Variants in CEP63 observed in about 807,000 individuals in gnomAD.
The protein encoded by CEP63 is centrosomal protein of 63 kDa.
In CEP63, 84 loss-of-function variants were observed where a neutral mutation model predicts 89.1. The ratio of observed to expected loss-of-function variants is 0.94; its 90% CI spans 0.79 to 1.13. The LOEUF (loss-of-function observed/expected upper bound fraction) is 1.13, where lower values mean the gene tolerates loss of function less well. Ranked by LOEUF, CEP63 falls within the 50% of genes most tolerant of loss-of-function variation. The probability of loss-of-function intolerance (pLI) is 0.00; values close to 1 mark genes in which losing one functional copy is unlikely to be tolerated. For missense variants in CEP63, 838 were observed against 813.3 expected (o/e 1.03, Z -0.37); for synonymous variants, 267 against 272.5 (o/e 0.98, Z 0.20).
the CEP63 span, among the ~76,000 whole-genome samples, chr3:134,657,252 G>T: frequency 6.6e-6 from 1 of 152,176 alleles, no homozygotes; most frequent in Admixed American, 6.5e-5. Context: ...TCACTATCAG[G>T]AGAACAGTAT....
At chr3:134,626,167 A>G in the CEP63 span, among the ~76,000 whole-genome samples, 1 of 152,024 alleles carries the variant, frequency 6.6e-6, no homozygotes, top group Non-Finnish European at 1.5e-5. Flanking sequence ...AGAAGTTGGG[A>G]CCAAAGAGGA....
In CEP63 at chr3:134,559,282, A is replaced by T. The variant is rs143608581; in HGVS notation, c.1806A>T (p.Gln602His). 8 of 1,614,044 alleles carry T rather than the reference A, an allele frequency of 5.0e-6. No individual in the cohort carries two copies. The highest frequency in any genetic ancestry group is 5.9e-6 in the Non-Finnish European group (7 of 1,180,030). ...GGGTGCTAAGCCCCCTGAGTCCTCAAATCAGCCCTTGCAGCTCCACCAGGT... is the reference window on the plus strand; with the variant it reads ...GGGTGCTAAGCCCCCTGAGTCCTCATATCAGCCCTTGCAGCTCCACCAGGT... ...MSRVLSPLSPQISPCSSTRSL... is the reference protein window; with the variant it reads ...MSRVLSPLSPHISPCSSTRSL... Residue 602 changes from glutamine (Q) to histidine (H), a missense_variant, in exon 14 of 15, where the codon CAA becomes CAT. Gln to His is a conservative substitution (Grantham distance 24). Transcript: ENST00000675561.
chr3:134,583,991 G>T (rs936718016), intron 10 of CEP63, among the ~76,000 whole-genome samples: 1 of 152,132 alleles, frequency 6.6e-6, no homozygotes, highest in Admixed American at 6.6e-5. Context: ...TGTTGTTGGT[G>T]TATAGGAATG....
the CEP63 span, chr3:134,603,304 T>G: frequency 3.1e-6 from 1 of 322,050 alleles, no homozygotes; most frequent in East Asian, 5.2e-5. Context: ...GGCATCTGGA[T>G]GCAGGTGTAC....
chr3:134,487,082 A>G (rs1188877136), intron 1 of CEP63, among the ~76,000 whole-genome samples: 1 of 152,208 alleles, frequency 6.6e-6, no homozygotes, highest in Non-Finnish European at 1.5e-5. Context: ...AAACTTATTA[A>G]AAGAATTTAT....
the CEP63 span, among the ~76,000 whole-genome samples, chr3:134,692,246 C>T: frequency 1.2e-4 from 19 of 152,142 alleles, no homozygotes; most frequent in Non-Finnish European, 1.5e-4. Flanking sequence ...TCTCCTAATG[C>T]TATCCCTTCC....
chr3:134,507,119 A>G lies in CEP63; in HGVS notation c.55A>G (p.Thr19Ala), dbSNP rs1302784016. 6.2e-7 allele frequency: 1 copy of G among 1,613,428 alleles called. No individual in the cohort carries two copies. The highest frequency in any genetic ancestry group is 1.7e-5 in the Admixed American group (1 of 59,984). Residue 19 changes from threonine (T) to alanine (A), a missense_variant, in exon 3 of 15, where the codon ACA becomes GCA. Coordinates refer to ENST00000675561, the MANE Select transcript of CEP63 (RefSeq NM_001353108.3). ...TGTTCTTCTTTATAGGGGATTTTTGACATCTTGTGAAGCAGAACTACAGGA... is the reference window on the plus strand; with the variant it reads ...TGTTCTTCTTTATAGGGGATTTTTGGCATCTTGTGAAGCAGAACTACAGGA... ...QNRGHGGGFLTSCEAELQELM... is the reference protein window; with the variant it reads ...QNRGHGGGFLASCEAELQELM...
At chr3:134,491,404 T>C (rs560473030) in intron 1 of CEP63, among the ~76,000 whole-genome samples, 109 of 152,364 alleles carry the variant, frequency 7.2e-4, no homozygotes, top group Middle Eastern at 3.4e-3. Flanking sequence ...CATGTTTCTA[T>C]AGATTTTTTG....
chr3:134,572,890 C>A (rs945797716), intron 11 of CEP63, among the ~76,000 whole-genome samples: 28 of 152,182 alleles, frequency 1.8e-4, no homozygotes, highest in African/African-American at 6.8e-4. Context: ...ATAAAGCATT[C>A]CCTTTTCTCT....
Position 134,549,093 on chromosome 3 carries a change from C to A in CEP63, c.1099C>A (p.Leu367Met), listed in dbSNP as rs745729949. 34 of 1,613,098 alleles carry A rather than the reference C, an allele frequency of 2.1e-5. No individual in the cohort carries two copies. Among genetic ancestry groups the A allele is most frequent in the Non-Finnish European group, 2.9e-5 (34 of 1,179,370 alleles). Residue 367 changes from leucine (L) to methionine (M), a missense_variant, in exon 10 of 15, where the codon CTG (leucine) becomes ATG (methionine). Physicochemically the swap from Leu to Met is conservative, Grantham distance 15. Coordinates refer to ENST00000675561, the MANE Select transcript of CEP63 (RefSeq NM_001353108.3). ...ATCTGTGAGTGCAACGTGTAAACAG[C>A]TGAGCCAAGAACTAATGGAAAAATA... ...LESVSATCKQ[L>M]SQELMEKYEE... is the part of the protein sequence containing the mutation.
At chr3:134,633,759 TAAGAC>T in the CEP63 span, among the ~76,000 whole-genome samples, 4 of 152,044 alleles carry the variant, frequency 2.6e-5, no homozygotes, top group Admixed American at 6.5e-5. Context: ...CCCTGTGTAA[TAAGAC>T]AAGAAAGAGA....
At chr3:134,655,920 A>C in the CEP63 span, among the ~76,000 whole-genome samples, 1 of 152,262 alleles carries the variant, frequency 6.6e-6, no homozygotes, top group Non-Finnish European at 1.5e-5. Flanking sequence ...AGTAGTAAAA[A>C]GTTGGTGGCT....
At chr3:134,607,418 C>T in the CEP63 span, 1 of 985,652 alleles carries the variant, frequency 1.0e-6, no homozygotes, top group African/African-American at 1.7e-5. Flanking sequence ...GCTCTGGGCC[C>T]ACCCACAGGC....
At chr3:134,700,701 T>G in the CEP63 span, among the ~76,000 whole-genome samples, 1 of 152,166 alleles carries the variant, frequency 6.6e-6, no homozygotes, top group African/African-American at 2.4e-5. Context: ...AAACCCCTAG[T>G]CCAGGTGCAG....
At chr3:134,625,792 C>T in the CEP63 span, among the ~76,000 whole-genome samples, 1 of 152,256 alleles carries the variant, frequency 6.6e-6, no homozygotes, top group African/African-American at 2.4e-5. Context: ...AAGGCTGGGC[C>T]TCCAAATCAC....
At chr3:134,490,365 A>G (rs1435084361) in intron 1 of CEP63, among the ~76,000 whole-genome samples, 1 of 152,108 alleles carries the variant, frequency 6.6e-6, no homozygotes, top group East Asian at 1.9e-4. Flanking sequence ...TATGTTATAT[A>G]TAATGGTTTC....
upstream of CEP63, chr3:134,485,991 G>GGGGCCCC: frequency 1.1e-6 from 1 of 938,170 alleles, no homozygotes; most frequent in Non-Finnish European, 1.3e-6. Flanking sequence ...CTCCTGCCAC[G>GGGGCCCC]CCCCCCCCCC....
chr3:134,516,840 T>C (rs886586128), intron 3 of CEP63, among the ~76,000 whole-genome samples: 2 of 152,314 alleles, frequency 1.3e-5, no homozygotes, highest in East Asian at 3.9e-4. Flanking sequence ...TATTTCTACT[T>C]CTTTCTGCAC....
At chr3:134,745,452 C>G in the CEP63 span, among the ~76,000 whole-genome samples, 1 of 152,158 alleles carries the variant, frequency 6.6e-6, no homozygotes, top group East Asian at 1.9e-4. Flanking sequence ...TCCTGAGTAT[C>G]CATTATGGGA....
Sources: gnomAD v4.1 joint callset for allele counts (sites outside exome capture counted in the v4.1 genomes callset) on GRCh38, gnomAD v4.1.1 for gene constraint, MANE v1.5 for transcripts, NCBI Gene and HGNC (gene_info 2026-07-23, HGNC 2026-07-21) for gene names.